The following COL11A2 variants were observed in gnomAD, a reference collection of about 807,000 sequenced individuals.
The protein encoded by COL11A2 is collagen alpha-2(XI) chain.
In COL11A2, 116 loss-of-function variants were observed where a neutral mutation model predicts 273.4. The observed-to-expected ratio is 0.42, with a 90% CI of 0.36 to 0.49. The LOEUF (loss-of-function observed/expected upper bound fraction) is 0.49, where lower values mean the gene tolerates loss of function less well. COL11A2 is among the 20% of genes least tolerant of loss of function. The pLI is 0.00. For synonymous variants in COL11A2, 782 were observed against 864.2 expected (o/e 0.90, Z 1.67); for missense variants, 1,866 against 2,309.0 (o/e 0.81, Z 3.93).
chr6:33,173,434 A>C lies in COL11A2; in HGVS notation c.2683-33T>G. 1 of 1,612,998 alleles carries C rather than the reference A, an allele frequency of 6.2e-7. No homozygotes were observed. Among genetic ancestry groups the C allele is most frequent in the Non-Finnish European group, 8.5e-7 (1 of 1,179,740 alleles). On this transcript the variant is annotated intron_variant, in intron 36 of 65. Coordinates refer to ENST00000341947, the MANE Select transcript of COL11A2 (RefSeq NM_080680.3). The surrounding 1 kb of genome is among the most constrained non-coding windows in gnomAD (Gnocchi z 6.3). ...GGGTTCAGTTGTCAGGTGAACTCTC[A>C]GCTGGAAAGCAGGTAGGGAAGAAGG...
At position 33,164,530 on chromosome 6, in the gene COL11A2, G is replaced by C. The variant is rs1208134707; in HGVS notation, c.4864-57C>G. On this transcript the variant is annotated intron_variant, in intron 64 of 65. Coordinates refer to ENST00000341947, the MANE Select transcript of COL11A2 (RefSeq NM_080680.3). The surrounding 1 kb of genome is among the most constrained non-coding windows in gnomAD (Gnocchi z 4.7). ...GGGAGAGAGAGGGCTGGCCTCAGAGGGAGACAGAGACGGGCCTCAGGAGCA... is the reference window on the plus strand; with the variant it reads ...GGGAGAGAGAGGGCTGGCCTCAGAGCGAGACAGAGACGGGCCTCAGGAGCA... 7.1e-7 allele frequency: 1 copy of C among 1,411,444 alleles called. No individual in the cohort carries two copies. The highest frequency in any genetic ancestry group is 2.5e-5 in the East Asian group (1 of 39,868). The allele number at this position is 1,411,444 out of a possible 1,614,324, so 87.4% of individuals were successfully genotyped here. A position where few individuals can be genotyped will look rare whatever the true frequency, so the allele number is the denominator to read the frequency against.
In COL11A2 at chr6:33,190,733, A is replaced by T. The variant is rs1194038371; in HGVS notation, c.83-1264T>A. ...CTGCGCGTGTGGCAGCTCCGCAAAC[A>T]CCAACACACAAGGGCCGCTTTGAGA... On this transcript the variant is annotated intron_variant, in intron 1 of 65. Transcript: ENST00000341947. This position sits in a 1 kb window ranked among gnomAD's most constrained non-coding sequence, Gnocchi z 4.5. Among the ~76,000 whole-genome samples the T allele has an allele frequency of 6.6e-6, 1 of 151,912 alleles. No homozygotes were observed. The highest frequency in any genetic ancestry group is 1.5e-5 in the Non-Finnish European group (1 of 67,956).
At chr6:33,192,082 C>A in intron 1 of COL11A2, 77 bp downstream of exon 1, 1 of 1,346,734 alleles carries the variant, frequency 7.4e-7, no homozygotes, top group Non-Finnish European at 1.0e-6. Context: ...CTGCCCCAGG[C>A]ATCAGCTGGC....
intron 7 of COL11A2, 116 bp from the exon 8 acceptor site, chr6:33,184,440 A>G: frequency 1.4e-6 from 1 of 719,076 alleles, no homozygotes; most frequent in Non-Finnish European, 2.0e-6. Flanking sequence ...GGTTAATCAG[A>G]ACTGGATTTT....
rs752130948 is a variant in COL11A2 at position 33,188,343 on chromosome 6, C to T, written c.606+19G>A. 4.3e-6 allele frequency: 7 copies of T among 1,612,964 alleles called. No individual in the cohort carries two copies. Among genetic ancestry groups the T allele is most frequent in the Non-Finnish European group, 5.9e-6 (7 of 1,179,978 alleles). Reference sequence around the variant, plus strand: ...ATAGGGGACCAGAAGTCAATCCTGCCTCTGATTGCTCTGGTTACCTCAAAG... The same window carrying T: ...ATAGGGGACCAGAAGTCAATCCTGCTTCTGATTGCTCTGGTTACCTCAAAG... On this transcript the variant is annotated intron_variant, in intron 4 of 65. Transcript: ENST00000341947.
intron 32 of COL11A2, 53 bp from the exon 33 acceptor site, chr6:33,174,108 C>A (rs969617021): frequency 3.1e-6 from 5 of 1,612,182 alleles, no homozygotes; most frequent in East Asian, 2.2e-5. Flanking sequence ...TCCCCACAGA[C>A]CCCCTCTACA....
chr6:33,192,657 C>T (rs1162386118), upstream of COL11A2, among the ~76,000 whole-genome samples: 1 of 152,100 alleles, frequency 6.6e-6, no homozygotes, highest in African/African-American at 2.4e-5. Context: ...CGGCCTGTAC[C>T]CTAAGATTCT....
rs1769375450 is a variant in COL11A2 at position 33,167,731 on chromosome 6, G to C, written c.4014+68C>G. The stretch of plus-strand genomic sequence containing the variant: ...GAGGTGGAGATGGGGTGGGCATCTG[G>C]AGACGGAGGCATCTGAGGGGTGGGA... On this transcript the variant is annotated intron_variant, in intron 55 of 65. Transcript: ENST00000341947. The surrounding 1 kb of genome is among the most constrained non-coding windows in gnomAD (Gnocchi z 6.1). 2 of 1,586,942 alleles carry C rather than the reference G, an allele frequency of 1.3e-6. No homozygotes were observed. The highest frequency in any genetic ancestry group is 1.7e-6 in the Non-Finnish European group (2 of 1,159,508).
chr6:33,188,883 G>T, intron 3 of COL11A2, 95 bp downstream of exon 3: 1 of 1,387,486 alleles, frequency 7.2e-7, no homozygotes, highest in Non-Finnish European at 1.0e-6. Context: ...TGGCCCAAAG[G>T]GTCTCAAGGG....
chr6:33,176,116 G>T lies in COL11A2; in HGVS notation c.2215-47C>A. The T allele has an allele frequency of 1.9e-6, 3 of 1,610,802 alleles. No homozygotes were observed. Among genetic ancestry groups the T allele is most frequent in the Non-Finnish European group, 2.5e-6 (3 of 1,177,990 alleles). ...GGGCACCACAGATGACAGAGGGCTG[G>T]GGTTCTAATGGGAATTCTGAGAACA... On this transcript the variant is annotated intron_variant, in intron 28 of 65. Coordinates refer to ENST00000341947, the MANE Select transcript of COL11A2 (RefSeq NM_080680.3). The surrounding 1 kb of genome is among the most constrained non-coding windows in gnomAD (Gnocchi z 4.9).
At chr6:33,185,345 C>T (rs2744505) in intron 6 of COL11A2, among the ~76,000 whole-genome samples, 6 of 152,038 alleles carry the variant, frequency 3.9e-5, no homozygotes, top group African/African-American at 1.4e-4. Context: ...AGCTGCCCTC[C>T]GAGCTGGGCA....
Position 33,186,741 on chromosome 6 carries a change from G to A in COL11A2, c.684C>T (p.Cys228=), listed in dbSNP as rs773455327. 1.6e-5 allele frequency: 26 copies of A among 1,614,084 alleles called. No individual in the cohort carries two copies. Among genetic ancestry groups the A allele is most frequent in the East Asian group, 2.2e-5 (1 of 44,872 alleles). ...GGGGTCTTTCCCTCTGGCCCCCCTC[G>A]CATTCCAGCTCCTTCTGTTCACATG... is the stretch of plus-strand genomic sequence containing the variant. ...YESCEQKELE[C]EGGQRERPQN... The change falls in exon 5 of 66, where the codon TGC becomes TGT. Residue 228 remains cysteine (C), a synonymous_variant. Coordinates refer to ENST00000341947, the MANE Select transcript of COL11A2 (RefSeq NM_080680.3).
At position 33,166,085 on chromosome 6, in the gene COL11A2, C is replaced by T. The variant is rs1238737453; in HGVS notation, c.4428+86G>A. On this transcript the variant is annotated intron_variant, in intron 61 of 65. Transcript: ENST00000341947. This position sits in a 1 kb window ranked among gnomAD's most constrained non-coding sequence, Gnocchi z 4.8. The stretch of plus-strand genomic sequence containing the variant: ...GCCTCCTGGCTGGAATAAGGGGCTC[C>T]TTGGGGGGAGTCTATTTGTCCTGGA... The T allele has an allele frequency of 3.1e-6, 5 of 1,602,930 alleles. 1 individual carries two copies. In the South Asian group the frequency reaches 3.3e-5, roughly 11 times the overall value.
chr6:33,168,650 G>T, intron 53 of COL11A2, 56 bp downstream of exon 53: 1 of 1,596,328 alleles, frequency 6.3e-7, no homozygotes, highest in Non-Finnish European at 8.5e-7. Context: ...CACAGAAGAG[G>T]GGTAAAGAGG....
Position 33,169,142 on chromosome 6 carries a change from C to G in COL11A2, c.3799-134G>C. 1.2e-6 allele frequency: 1 copy of G among 868,920 alleles called. No homozygotes were observed. 53.8% of individuals were successfully genotyped at this position (868,920 alleles called of 1,614,324 possible). A position where few individuals can be genotyped will look rare whatever the true frequency, so the allele number is the denominator to read the frequency against. On this transcript the variant is annotated intron_variant, in intron 51 of 65. Transcript: ENST00000341947. This position sits in a 1 kb window ranked among gnomAD's most constrained non-coding sequence, Gnocchi z 5.5. The stretch of plus-strand genomic sequence containing the variant: ...CCCCCCAGGAAGAGGTCTCCTGCAC[C>G]CCTTTCCCTACCACGTGCACTGCGT...
chr6:33,178,807 T>TG lies in COL11A2; in HGVS notation c.1666-76dup, dbSNP rs1226889366. 4.0e-5 allele frequency: 64 copies of TG among 1,601,928 alleles called. No individual in the cohort carries two copies. Among genetic ancestry groups the TG allele is most frequent in the African/African-American group, 6.7e-5 (5 of 74,716 alleles). ...CACCCCTCCCTACTGCACCCTGAGC[T>TG]GGGGGGGTGCTGATCCTGGGGAAGC... On this transcript the variant is annotated intron_variant, in intron 17 of 65. Coordinates refer to ENST00000341947, the MANE Select transcript of COL11A2 (RefSeq NM_080680.3). This position sits in a 1 kb window ranked among gnomAD's most constrained non-coding sequence, Gnocchi z 4.6.
In COL11A2 at chr6:33,185,795, G is replaced by A. The variant is rs1772344403; in HGVS notation, c.799-17C>T. 6 of 1,066,962 alleles carry A rather than the reference G, an allele frequency of 5.6e-6. No homozygotes were observed. Among genetic ancestry groups the A allele is most frequent in the Admixed American group, 1.9e-5 (1 of 52,082 alleles). The allele number at this position is 1,066,962 out of a possible 1,614,324, so 66.1% of individuals were successfully genotyped here. ...CTCAGTGGGCTGGGATTGGGGGGTG[G>A]GCATAGACAGGAAGGGGATGGGGTA... On this transcript the variant is annotated splice_polypyrimidine_tract_variant and intron_variant, in intron 5 of 65. Coordinates refer to ENST00000341947, the MANE Select transcript of COL11A2 (RefSeq NM_080680.3).
In COL11A2 at chr6:33,169,153, C is replaced by T. The variant is rs191272205; in HGVS notation, c.3799-145G>A. 1.1e-4 allele frequency: 93 copies of T among 812,618 alleles called. No individual in the cohort carries two copies. Among genetic ancestry groups the T allele is most frequent in the African/African-American group, 9.7e-4 (56 of 57,620 alleles). The allele number at this position is 812,618 out of a possible 1,614,324, so 50.3% of individuals were successfully genotyped here. A position where few individuals can be genotyped will look rare whatever the true frequency, so the allele number is the denominator to read the frequency against. On this transcript the variant is annotated intron_variant, in intron 51 of 65. Transcript: ENST00000341947. The surrounding 1 kb of genome is among the most constrained non-coding windows in gnomAD (Gnocchi z 5.5). ...GAGGTCTCCTGCACCCCTTTCCCTACCACGTGCACTGCGTGTTGTCTAATT... is the reference window on the plus strand; with the variant it reads ...GAGGTCTCCTGCACCCCTTTCCCTATCACGTGCACTGCGTGTTGTCTAATT...
intron 8 of COL11A2, among the ~76,000 whole-genome samples, chr6:33,182,201 G>A (rs557913493): frequency 2.3e-4 from 35 of 152,124 alleles, no homozygotes; most frequent in African/African-American, 8.2e-4. Flanking sequence ...TTGAACCCAG[G>A]AGGTGGAGGT....
Sources: gnomAD v4.1 joint callset for allele counts (sites outside exome capture counted in the v4.1 genomes callset) on GRCh38, gnomAD v4.1.1 for gene constraint, Gnocchi (gnomAD v3.1) non-coding constraint, MANE v1.5 for transcripts, NCBI Gene and HGNC (gene_info 2026-07-23, HGNC 2026-07-21) for gene names.